SLC24A2: variants seen among roughly 807,000 people sequenced by gnomAD.
The protein encoded by SLC24A2 is solute carrier family 24 member 2.
In SLC24A2, 36 loss-of-function variants were observed where a neutral mutation model predicts 62.0. The observed-to-expected ratio is 0.58, with a 90% CI of 0.44 to 0.77. The LOEUF is 0.77. SLC24A2 is among the 30% of genes least tolerant of loss of function. The pLI is 0.00. For missense variants in SLC24A2, 846 were observed against 817.9 expected, an observed-to-expected ratio of 1.03 and a Z score of -0.42; for synonymous variants, 358 against 294.0, an observed-to-expected ratio of 1.22 and a Z score of -2.23.
chr9:19,999,029 G>A, the SLC24A2 span, among the ~76,000 whole-genome samples: 3,510 of 152,272 alleles, frequency 0.023, 140 homozygotes, highest in African/African-American at 0.079. Context: ...ATTATTTTCA[G>A]TATGAGTTTT....
At chr9:19,788,429 G>T in intron 1 of SLC24A2, 3 of 846,620 alleles carry the variant, frequency 3.5e-6, no homozygotes, top group Non-Finnish European at 2.8e-6. Flanking sequence ...TGCCTCCGTA[G>T]GAGAATGTTC....
chr9:20,098,830 T>G, the SLC24A2 span, among the ~76,000 whole-genome samples: 1 of 152,236 alleles, frequency 6.6e-6, no homozygotes, highest in Non-Finnish European at 1.5e-5. Flanking sequence ...CTCTCACAGT[T>G]TCTTTACTGG....
chr9:19,907,593 A>T, the SLC24A2 span, among the ~76,000 whole-genome samples: 5 of 152,246 alleles, frequency 3.3e-5, no homozygotes, highest in Non-Finnish European at 7.3e-5. Flanking sequence ...GTCTCAGCCC[A>T]AAATCTACTT....
At chr9:19,683,344 G>C (rs774019998) in intron 2 of SLC24A2, among the ~76,000 whole-genome samples, 1 of 152,096 alleles carries the variant, frequency 6.6e-6, no homozygotes, top group Non-Finnish European at 1.5e-5. Flanking sequence ...AGGAACTATT[G>C]CCTCAGCATA....
chr9:20,016,850 A>G, the SLC24A2 span, among the ~76,000 whole-genome samples: 2 of 152,188 alleles, frequency 1.3e-5, no homozygotes, highest in African/African-American at 4.8e-5. Context: ...GGAGGGGCAT[A>G]CTTGGGTATC....
the SLC24A2 span, among the ~76,000 whole-genome samples, chr9:20,007,331 C>G: frequency 6.6e-6 from 1 of 152,110 alleles, no homozygotes; most frequent in African/African-American, 2.4e-5. Flanking sequence ...GAAAAGGATT[C>G]TGCACCTGAG....
the SLC24A2 span, among the ~76,000 whole-genome samples, chr9:20,175,442 C>G: frequency 6.6e-6 from 1 of 151,958 alleles, no homozygotes; most frequent in Non-Finnish European, 1.5e-5. Flanking sequence ...AGTTATACAA[C>G]ATAATGAATT....
chr9:20,155,647 G>A, the SLC24A2 span, among the ~76,000 whole-genome samples: 1 of 151,674 alleles, frequency 6.6e-6, no homozygotes, highest in Non-Finnish European at 1.5e-5. Flanking sequence ...ATGTCCTTAG[G>A]CATGGAAAGA....
chr9:20,011,048 T>C, the SLC24A2 span, among the ~76,000 whole-genome samples: 1 of 152,152 alleles, frequency 6.6e-6, no homozygotes, highest in East Asian at 1.9e-4. Flanking sequence ...TTTGCTATTT[T>C]GAATAGTGCC....
chr9:19,647,134 G>C (rs1002254804), intron 2 of SLC24A2, among the ~76,000 whole-genome samples: 21 of 149,892 alleles, frequency 1.4e-4, no homozygotes, highest in African/African-American at 5.2e-4. Context: ...CTGTAGGAGG[G>C]TTCATAGCCT....
At chr9:19,959,736 A>G in the SLC24A2 span, among the ~76,000 whole-genome samples, 1 of 152,204 alleles carries the variant, frequency 6.6e-6, no homozygotes, top group Non-Finnish European at 1.5e-5. Flanking sequence ...AGATTCCTCT[A>G]GTCTATGCAG....
At chr9:20,031,567 T>C in the SLC24A2 span, among the ~76,000 whole-genome samples, 1 of 152,072 alleles carries the variant, frequency 6.6e-6, no homozygotes, top group African/African-American at 2.4e-5. Flanking sequence ...AAGGATGTAC[T>C]TTTTTAAAAA....
the SLC24A2 span, among the ~76,000 whole-genome samples, chr9:20,299,539 C>T: frequency 6.6e-6 from 1 of 152,188 alleles, no homozygotes; most frequent in Admixed American, 6.5e-5. Context: ...AGTGACTCTA[C>T]CCCAGTTTGT....
chr9:19,952,049 T>C, the SLC24A2 span, among the ~76,000 whole-genome samples: 1 of 152,222 alleles, frequency 6.6e-6, no homozygotes, highest in East Asian at 1.9e-4. Flanking sequence ...CAGAATTTTG[T>C]TAAATTTATT....
the SLC24A2 span, among the ~76,000 whole-genome samples, chr9:20,188,273 C>A: frequency 6.6e-6 from 1 of 152,180 alleles, no homozygotes; most frequent in Non-Finnish European, 1.5e-5. Flanking sequence ...GAGTTCCCAT[C>A]TTGGGTGCCA....
the SLC24A2 span, among the ~76,000 whole-genome samples, chr9:20,245,578 G>A: frequency 6.6e-6 from 1 of 152,308 alleles, no homozygotes; most frequent in Admixed American, 6.5e-5. Context: ...GGACCCCCAA[G>A]CCATGGTGAG....
the SLC24A2 span, among the ~76,000 whole-genome samples, chr9:20,071,126 C>T: frequency 6.6e-6 from 1 of 152,166 alleles, no homozygotes; most frequent in African/African-American, 2.4e-5. Flanking sequence ...TTGGAAGCTT[C>T]CTGAGGCCAC....
At chr9:20,041,896 G>A in the SLC24A2 span, among the ~76,000 whole-genome samples, 5 of 152,274 alleles carry the variant, frequency 3.3e-5, no homozygotes, top group African/African-American at 1.2e-4. Context: ...AATCCCAGAA[G>A]CACTTGACAG....
the SLC24A2 span, among the ~76,000 whole-genome samples, chr9:20,016,997 TA>T: frequency 6.6e-6 from 1 of 152,206 alleles, no homozygotes; most frequent in East Asian, 1.9e-4. Flanking sequence ...AGTTGCTAAA[TA>T]AAAATAAATT....
Sources: gnomAD v4.1 joint callset for allele counts (sites outside exome capture counted in the v4.1 genomes callset) on GRCh38, gnomAD v4.1.1 for gene constraint, MANE v1.5 for transcripts, NCBI Gene and HGNC (gene_info 2026-07-23, HGNC 2026-07-21) for gene names.